The following KIF26B variants were observed in gnomAD, a reference collection of about 807,000 sequenced individuals.
KIF26B encodes the protein kinesin family member 26B, also known as kinesin-like protein KIF26B.
KIF26B carries 63 observed loss-of-function variants against 151.2 expected under a neutral mutation model. That is an observed-to-expected ratio of 0.42 (90% confidence interval 0.34 to 0.51). The LOEUF (loss-of-function observed/expected upper bound fraction) is 0.51. Among genes scored for constraint, KIF26B ranks in the 20% least tolerant of loss-of-function variants. The probability of loss-of-function intolerance (pLI) is 0.07; values close to 1 mark genes in which losing one functional copy is unlikely to be tolerated. For missense variants in KIF26B, 2,813 were observed against 2,913.6 expected (o/e 0.97, Z 0.79); for synonymous variants, 1,357 against 1,262.1 (o/e 1.08, Z -1.59).
chr1:245,166,095 G>T lies in KIF26B; in HGVS notation c.465+9412G>T, dbSNP rs1211878236. On this transcript the variant is annotated intron_variant, in intron 2 of 14. Coordinates refer to ENST00000407071, the MANE Select transcript of KIF26B (RefSeq NM_018012.4). This position sits in a 1 kb window ranked among gnomAD's most constrained non-coding sequence, Gnocchi z 4.5. Reference sequence around the variant, plus strand: ...GCAAGCCTTGGTCTTTCTAAACGTGGTTATTCTCATCTCTACAGTGGGAGT... The same window carrying T: ...GCAAGCCTTGGTCTTTCTAAACGTGTTTATTCTCATCTCTACAGTGGGAGT... 6.6e-6 allele frequency among the ~76,000 whole-genome samples: 1 copy of T among 152,174 alleles called. No homozygotes were observed. The highest frequency in any genetic ancestry group is 1.5e-5 in the Non-Finnish European group (1 of 68,038).
At position 245,563,659 on chromosome 1, in the gene KIF26B, G is replaced by GT. The variant is rs1314850999; in HGVS notation, c.1350+22711dup. Among the ~76,000 whole-genome samples, 1 of 152,168 alleles carries GT rather than the reference G, an allele frequency of 6.6e-6. No homozygotes were observed. The highest frequency in any genetic ancestry group is 2.4e-5 in the African/African-American group (1 of 41,442). On this transcript the variant is annotated intron_variant, in intron 5 of 14. Transcript: ENST00000407071. The surrounding 1 kb of genome is among the most constrained non-coding windows in gnomAD (Gnocchi z 4.6). ...TTGAGACTGTGGGAACGATGTTTTC[G>GT]TTAAGAATGGACTGCCTGTATAATG...
intron 3 of KIF26B, among the ~76,000 whole-genome samples, chr1:245,382,233 T>C (rs1673428473): frequency 6.6e-6 from 1 of 152,168 alleles, no homozygotes; most frequent in African/African-American, 2.4e-5. Flanking sequence ...AGTACCTTTT[T>C]CCTCTTCACA....
At chr1:245,652,145 T>TGTGGGA (rs368258830) in intron 10 of KIF26B, among the ~76,000 whole-genome samples, 14,515 of 142,638 alleles carry the variant, frequency 0.1, 810 homozygotes, top group African/African-American at 0.12. Context: ...TGTGTGTGTG[T>TGTGGGA]GAGAGAGACA....
At chr1:245,193,943 G>A (rs2103534252) in intron 2 of KIF26B, among the ~76,000 whole-genome samples, 1 of 152,334 alleles carries the variant, frequency 6.6e-6, no homozygotes, top group South Asian at 2.1e-4. Context: ...GGACCATGGG[G>A]CGCTAGAAAA....
Position 245,602,524 on chromosome 1 carries a change from C to A in KIF26B, c.1351-53C>A, listed in dbSNP as rs535715580. 8.2e-6 allele frequency: 12 copies of A among 1,455,112 alleles called. No homozygotes were observed. The East Asian group carries it at 2.9e-4, about 35-fold the overall frequency. The allele number at this position is 1,455,112 out of a possible 1,614,324, so 90.1% of individuals were successfully genotyped here. A position where few individuals can be genotyped will look rare whatever the true frequency, so the allele number is the denominator to read the frequency against. Reference sequence around the variant, plus strand: ...CGCAGAGTATACAAGGGTGCTCCATCGTAAAACACCCAGCTGTCTTCATCC... The same window carrying A: ...CGCAGAGTATACAAGGGTGCTCCATAGTAAAACACCCAGCTGTCTTCATCC... On this transcript the variant is annotated intron_variant, in intron 5 of 14. Transcript: ENST00000407071. This position sits in a 1 kb window ranked among gnomAD's most constrained non-coding sequence, Gnocchi z 4.5.
intron 2 of KIF26B, among the ~76,000 whole-genome samples, chr1:245,259,093 A>G (rs1358228268): frequency 6.6e-6 from 1 of 152,174 alleles, no homozygotes; most frequent in Non-Finnish European, 1.5e-5. Context: ...CTGGGTGGGT[A>G]TGGGAAGTTA....
Position 245,184,050 on chromosome 1 carries a change from G to GTTTTTTGTTTTTTT in KIF26B, c.465+27373_465+27374insGTTTTTTTTTTTTT, listed in dbSNP as rs1553332272. ...GCAACAGGTATGGGTGGGAGTTGTT[G>GTTTTTTGTTTTTTT]TTTTTTTTTTTTTTTTTTTGAGCTT... On this transcript the variant is annotated intron_variant, in intron 2 of 14. Transcript: ENST00000407071. 5.1e-4 allele frequency among the ~76,000 whole-genome samples: 10 copies of GTTTTTTGTTTTTTT among 19,800 alleles called. 1 individual carries two copies. Among genetic ancestry groups the GTTTTTTGTTTTTTT allele is most frequent in the African/African-American group, 1.2e-3 (8 of 6,596 alleles). The allele number at this position is 19,800 out of a possible 152,430, so 13.0% of individuals were successfully genotyped here.
intron 2 of KIF26B, among the ~76,000 whole-genome samples, chr1:245,314,407 G>A (rs1258022065): frequency 1.3e-5 from 2 of 152,138 alleles, no homozygotes; most frequent in African/African-American, 4.8e-5. Context: ...AGTCGAGATC[G>A]TGCCACTGCA....
intron 4 of KIF26B, among the ~76,000 whole-genome samples, chr1:245,421,948 C>A (rs1329987926): frequency 6.6e-6 from 1 of 152,006 alleles, no homozygotes; most frequent in Non-Finnish European, 1.5e-5. Context: ...CTAGCGAAAG[C>A]CTAGGGTGGA....
chr1:245,435,444 T>C (rs1458384163), intron 4 of KIF26B, among the ~76,000 whole-genome samples: 8 of 152,152 alleles, frequency 5.3e-5, no homozygotes, highest in Admixed American at 6.5e-5. Context: ...TTATCAGAAA[T>C]GGTCTTATTG....
intron 2 of KIF26B, among the ~76,000 whole-genome samples, chr1:245,362,717 G>A (rs928502353): frequency 5.3e-5 from 8 of 151,954 alleles, no homozygotes; most frequent in Non-Finnish European, 8.8e-5. Context: ...TGGGTGATCC[G>A]CCCACCTCAG....
At chr1:245,297,938 G>T (rs538497398) in intron 2 of KIF26B, among the ~76,000 whole-genome samples, 1 of 152,296 alleles carries the variant, frequency 6.6e-6, no homozygotes, top group East Asian at 1.9e-4. Flanking sequence ...CCAGGCTGGA[G>T]TGCAGTGGTG....
intron 6 of KIF26B, among the ~76,000 whole-genome samples, chr1:245,607,216 CT>C (rs796952402): frequency 1.2e-4 from 18 of 152,058 alleles, no homozygotes; most frequent in African/African-American, 4.3e-4. Flanking sequence ...GGTGGGTCAC[CT>C]TTTTCCCTCT....
At chr1:245,299,879 G>A (rs543674462) in intron 2 of KIF26B, among the ~76,000 whole-genome samples, 1 of 152,332 alleles carries the variant, frequency 6.6e-6, no homozygotes, top group African/African-American at 2.4e-5. Flanking sequence ...CATGACTAAG[G>A]TCTGCAGACG....
intron 3 of KIF26B, among the ~76,000 whole-genome samples, chr1:245,386,295 A>C (rs942835955): frequency 1.3e-5 from 2 of 151,390 alleles, no homozygotes; most frequent in Non-Finnish European, 2.9e-5. Flanking sequence ...AATGTGCAGC[A>C]CTCAATTATT....
chr1:245,198,862 G>GT (rs1669237600), intron 2 of KIF26B, among the ~76,000 whole-genome samples: 1 of 147,634 alleles, frequency 6.8e-6, no homozygotes, highest in Non-Finnish European at 1.5e-5. Flanking sequence ...TCTGGAGAGT[G>GT]TAACGGGGGT....
chr1:245,555,358 G>A (rs543500201), intron 5 of KIF26B, among the ~76,000 whole-genome samples: 2 of 152,120 alleles, frequency 1.3e-5, no homozygotes, highest in Non-Finnish European at 1.5e-5. Flanking sequence ...CGAGTGCTCC[G>A]GGACGCTTCT....
At chr1:245,290,661 G>A (rs1369643636) in intron 2 of KIF26B, among the ~76,000 whole-genome samples, 1 of 152,152 alleles carries the variant, frequency 6.6e-6, no homozygotes, top group Non-Finnish European at 1.5e-5. Context: ...TGTTTTATCG[G>A]CAGGGTGTTT....
At position 245,629,001 on chromosome 1, in the gene KIF26B, C is replaced by T. The variant is rs570429520; in HGVS notation, c.2098+17025C>T. Among the ~76,000 whole-genome samples, 4 of 152,176 alleles carry T rather than the reference C, an allele frequency of 2.6e-5. No homozygotes were observed. The South Asian group carries it at 6.2e-4, about 24-fold the overall frequency. On this transcript the variant is annotated intron_variant, in intron 9 of 14. Transcript: ENST00000407071. Reference sequence around the variant, plus strand: ...TCATGAATGAACTCCCATTCACCATCGCTACAAAGAGAATAAAATACCCAG... The same window carrying T: ...TCATGAATGAACTCCCATTCACCATTGCTACAAAGAGAATAAAATACCCAG...
Sources: allele counts gnomAD v4.1 joint callset (sites outside exome capture counted in the v4.1 genomes callset), GRCh38; gene constraint gnomAD v4.1.1; non-coding constraint Gnocchi (gnomAD v3.1); transcripts MANE v1.5; gene names NCBI Gene and HGNC (gene_info 2026-07-23, HGNC 2026-07-21).